Variants in ENAH observed in about 807,000 individuals in gnomAD.
The protein encoded by ENAH is ENAH actin regulator, also known as protein enabled homolog.
In ENAH, 23 loss-of-function variants were observed where a neutral mutation model predicts 78.7. That is an observed-to-expected ratio of 0.29 (90% CI 0.21 to 0.41). ENAH has a LOEUF of 0.41. Among genes scored for constraint, ENAH ranks in the 10% least tolerant of loss-of-function variants. The pLI is 1.00. For synonymous variants in ENAH, 226 were observed against 241.0 expected, an observed-to-expected ratio of 0.94 and a Z score of 0.58; for missense variants, 544 against 691.0, an observed-to-expected ratio of 0.79 and a Z score of 2.39.
At chr1:225,615,388 C>T (rs919131548) in intron 1 of ENAH, among the ~76,000 whole-genome samples, 1 of 152,100 alleles carries the variant, frequency 6.6e-6, no homozygotes, top group African/African-American at 2.4e-5. Flanking sequence ...GATCTCGGCT[C>T]GCTACAACCT....
At chr1:225,507,252 T>C (rs1385864263) in intron 11 of ENAH, among the ~76,000 whole-genome samples, 1 of 152,114 alleles carries the variant, frequency 6.6e-6, no homozygotes, top group African/African-American at 2.4e-5. Flanking sequence ...GTTTCTACTT[T>C]ACAAATTCAA....
chr1:225,637,764 T>TA (rs1660322428), intron 1 of ENAH, among the ~76,000 whole-genome samples: 2 of 152,102 alleles, frequency 1.3e-5, no homozygotes, highest in Admixed American at 6.5e-5. Flanking sequence ...CATATTAAGT[T>TA]AAAAAAGGCA....
intron 3 of ENAH, among the ~76,000 whole-genome samples, chr1:225,544,835 A>T (rs1161987276): frequency 2.6e-5 from 4 of 152,246 alleles, no homozygotes; most frequent in African/African-American, 9.6e-5. Context: ...TAATTATGAA[A>T]AAATCACAAA....
At chr1:225,570,831 CGA>C (rs1436145067) in intron 1 of ENAH, among the ~76,000 whole-genome samples, 1 of 151,666 alleles carries the variant, frequency 6.6e-6, no homozygotes, top group African/African-American at 2.4e-5. Flanking sequence ...GGTCTGGTGG[CGA>C]GCACCTGTAA....
chr1:225,512,689 T>C lies in ENAH; in HGVS notation c.1390A>G (p.Thr464Ala). The change falls in exon 9 of 14, where the codon ACA (threonine) becomes GCA (alanine). Residue 464 changes from threonine to alanine, a missense_variant. This residue lies in a region of ENAH where 97 missense variants were observed against 124.4 expected (regional missense o/e 0.78). Transcript: ENST00000366843. Reference protein sequence around the residue: ...RRRRIAEKGSTIETEQKEDKG... With the variant: ...RRRRIAEKGSAIETEQKEDKG... ...TCCTCTTTTTGTTCTGTTTCTATTG[T>C]TGATCCCTTTTCAGCAATTCTTCTC... 1 of 1,613,874 alleles carries C rather than the reference T, an allele frequency of 6.2e-7. No individual in the cohort carries two copies. Among genetic ancestry groups the C allele is most frequent in the Non-Finnish European group, 8.5e-7 (1 of 1,179,880 alleles).
intron 1 of ENAH, among the ~76,000 whole-genome samples, chr1:225,593,627 T>C (rs2096888969): frequency 6.6e-6 from 1 of 152,278 alleles, no homozygotes; most frequent in African/African-American, 2.4e-5. Flanking sequence ...TATGATGTTT[T>C]GTTCACACAC....
intron 1 of ENAH, among the ~76,000 whole-genome samples, chr1:225,609,727 C>T (rs991334211): frequency 7.5e-6 from 1 of 133,428 alleles, no homozygotes; most frequent in African/African-American, 2.8e-5. Flanking sequence ...TGCAGTGGCA[C>T]GATCTTGGCT....
Position 225,492,613 on chromosome 1 carries a change from T to TA in ENAH, c.*5161_*5162insT. On this transcript the variant is annotated 3_prime_UTR_variant, in exon 14 of 14. Transcript: ENST00000366843. ...TGATTCTTTGGTTCAAACACTTAAT[T>TA]GGGGCTTCATCTTTGATTTTTTCTG... The TA allele has an allele frequency of 6.6e-6, 1 of 152,336 alleles. No homozygotes were observed. The highest frequency in any genetic ancestry group is 2.1e-4 in the South Asian group (1 of 4,834). 9.4% of individuals were successfully genotyped at this position (152,336 alleles called of 1,614,324 possible). A position where few individuals can be genotyped will look rare whatever the true frequency, so the allele number is the denominator to read the frequency against.
chr1:225,640,518 A>G lies in ENAH; in HGVS notation c.5+12168T>C, dbSNP rs138110049. Reference sequence around the variant, plus strand: ...ACATTAACATTTGGAAAATTCAAATATAAGCTTCAGTTCAAAAGTTAACCA... The same window carrying G: ...ACATTAACATTTGGAAAATTCAAATGTAAGCTTCAGTTCAAAAGTTAACCA... On this transcript the variant is annotated intron_variant, in intron 1 of 13. Transcript: ENST00000366843. 1.7e-3 allele frequency among the ~76,000 whole-genome samples: 262 copies of G among 152,080 alleles called. 1 individual carries two copies. Among genetic ancestry groups the G allele is most frequent in the African/African-American group, 5.8e-3 (241 of 41,568 alleles).
intron 3 of ENAH, among the ~76,000 whole-genome samples, chr1:225,540,385 A>G (rs746013571): frequency 9.9e-5 from 15 of 152,192 alleles, no homozygotes; most frequent in Non-Finnish European, 1.9e-4. Flanking sequence ...TACTCTTTAT[A>G]AGTAATTTAA....
intron 1 of ENAH, among the ~76,000 whole-genome samples, chr1:225,608,492 T>C (rs911356422): frequency 1.3e-5 from 2 of 151,284 alleles, no homozygotes; most frequent in Middle Eastern, 3.4e-3. Flanking sequence ...ATCCTAAAGG[T>C]TTCCAGAAAG....
intron 11 of ENAH, 64 bp downstream of exon 11, chr1:225,507,887 C>A: frequency 8.4e-7 from 1 of 1,190,176 alleles, no homozygotes; most frequent in Non-Finnish European, 1.2e-6. Context: ...TTTTTCTACA[C>A]TAAGAATGCA....
chr1:225,508,778 A>G (rs1165890712), intron 10 of ENAH, among the ~76,000 whole-genome samples: 1 of 152,198 alleles, frequency 6.6e-6, no homozygotes. Context: ...GAATCTTCTC[A>G]TGGAGGAAAG....
chr1:225,600,374 T>C (rs1558886128), intron 1 of ENAH, among the ~76,000 whole-genome samples: 1 of 151,196 alleles, frequency 6.6e-6, no homozygotes, highest in African/African-American at 2.4e-5. Flanking sequence ...TAAAAAATAA[T>C]AATAAATAAG....
intron 1 of ENAH, among the ~76,000 whole-genome samples, chr1:225,605,939 G>A (rs373700892): frequency 6.6e-6 from 1 of 152,118 alleles, no homozygotes; most frequent in Admixed American, 6.5e-5. Context: ...TTAAGCCACT[G>A]GGTCTGTGGT....
intron 1 of ENAH, among the ~76,000 whole-genome samples, chr1:225,610,809 C>T (rs560244982): frequency 5.3e-5 from 8 of 152,244 alleles, no homozygotes; most frequent in South Asian, 4.1e-4. Flanking sequence ...CCCACATACA[C>T]GCTCAAGAAA....
At chr1:225,536,455 C>G (rs1227587476) in intron 3 of ENAH, among the ~76,000 whole-genome samples, 2 of 151,786 alleles carry the variant, frequency 1.3e-5, no homozygotes, top group Non-Finnish European at 2.9e-5. Flanking sequence ...TCTGTAAAAT[C>G]CTGAAGAAAT....
At chr1:225,604,342 C>G (rs1247830361) in intron 1 of ENAH, among the ~76,000 whole-genome samples, 1 of 151,906 alleles carries the variant, frequency 6.6e-6, no homozygotes, top group African/African-American at 2.4e-5. Flanking sequence ...TGAGGGAGAA[C>G]AGGCAGGCAG....
chr1:225,652,750 G>C lies in ENAH; in HGVS notation c.-60C>G, dbSNP rs1414858905. On this transcript the variant is annotated 5_prime_UTR_variant, in exon 1 of 14. Coordinates refer to ENST00000366843, the MANE Select transcript of ENAH (RefSeq NM_018212.6). ...GGAGACGCAGAAGGCGCCGAGCCGA[G>C]GGGGGGGTCTCTCCTCCAGGGGTGG... The C allele has an allele frequency of 2.4e-6, 3 of 1,266,766 alleles. No individual in the cohort carries two copies. In the African/African-American group the frequency reaches 4.9e-5, roughly 21 times the overall value. The allele number at this position is 1,266,766 out of a possible 1,614,324, so 78.5% of individuals were successfully genotyped here. A position where few individuals can be genotyped will look rare whatever the true frequency, so the allele number is the denominator to read the frequency against.
Sources: allele counts gnomAD v4.1 joint callset (sites outside exome capture counted in the v4.1 genomes callset), GRCh38; gene constraint gnomAD v4.1.1; regional missense constraint gnomAD v4.1.1; transcripts MANE v1.5; gene names NCBI Gene and HGNC (gene_info 2026-07-23, HGNC 2026-07-21).